Variants in THSD7B observed in about 807,000 individuals in gnomAD.
The protein encoded by THSD7B is thrombospondin type 1 domain containing 7B, also known as thrombospondin type-1 domain-containing protein 7B.
In THSD7B, 138 loss-of-function variants were observed where a neutral mutation model predicts 213.6. The observed-to-expected ratio is 0.65, with a 90% CI of 0.56 to 0.74. The LOEUF (loss-of-function observed/expected upper bound fraction) is 0.74. Among genes scored for constraint, THSD7B ranks in the 30% least tolerant of loss-of-function variants. The pLI is 0.00. For missense variants in THSD7B, 1,931 were observed against 1,991.5 expected (o/e 0.97, Z 0.58); for synonymous variants, 742 against 687.0 (o/e 1.08, Z -1.25).
intron 7 of THSD7B, 130 bp from the exon 8 acceptor site, chr2:137,230,914 T>C (rs1681624470): frequency 1.1e-6 from 1 of 878,744 alleles, no homozygotes; most frequent in African/African-American, 1.7e-5. Flanking sequence ...CAGTTTTTTC[T>C]GATGTAAATA....
chr2:137,616,342 C>T (rs545568442), intron 18 of THSD7B, 26 bp downstream of exon 18: 31 of 1,602,622 alleles, frequency 1.9e-5, no homozygotes, highest in Non-Finnish European at 2.6e-5. Context: ...ATGACCTTGT[C>T]GTTCTCCCTG....
At chr2:137,096,907 G>A (rs34275697) in intron 4 of THSD7B, among the ~76,000 whole-genome samples, 9,863 of 152,276 alleles carry the variant, frequency 0.065, 443 homozygotes, top group Non-Finnish European at 0.095. Flanking sequence ...CATAGGTGGC[G>A]CTGCAAGAAG....
At position 137,659,146 on chromosome 2, in the gene THSD7B, A is replaced by C. The variant is rs116383029; in HGVS notation, c.4376-518A>C. Among the ~76,000 whole-genome samples the C allele has an allele frequency of 2.8e-3, 432 of 152,306 alleles. 2 individuals carry two copies. The highest frequency in any genetic ancestry group is 9.8e-3 in the African/African-American group (409 of 41,572). The stretch of plus-strand genomic sequence containing the variant: ...TGTGTTTATACGTGACTCTGTGTGC[A>C]TGTATTCCAGTTGACTTACATTTAA... On this transcript the variant is annotated intron_variant, in intron 24 of 27. Coordinates refer to ENST00000409968, the MANE Select transcript of THSD7B (RefSeq NM_001316349.2).
intron 2 of THSD7B, among the ~76,000 whole-genome samples, chr2:137,025,964 C>T (rs910534747): frequency 1.2e-4 from 18 of 152,300 alleles, no homozygotes; most frequent in Admixed American, 4.6e-4. Context: ...ATACACTCAA[C>T]CCCTTCCCAG....
At chr2:137,290,192 G>A (rs1342805125) in intron 12 of THSD7B, among the ~76,000 whole-genome samples, 1 of 151,114 alleles carries the variant, frequency 6.6e-6, no homozygotes, top group Non-Finnish European at 1.5e-5. Context: ...GGGTTCAAGG[G>A]ATTCTCCTGC....
intron 15 of THSD7B, among the ~76,000 whole-genome samples, chr2:137,497,252 CT>C (rs1362187960): frequency 1.3e-5 from 2 of 151,842 alleles, no homozygotes; most frequent in Non-Finnish European, 2.9e-5. Flanking sequence ...CTTTAATCCT[CT>C]TTTTCTTGTT....
At chr2:137,611,161 A>G (rs1682282875) in intron 17 of THSD7B, among the ~76,000 whole-genome samples, 1 of 151,932 alleles carries the variant, frequency 6.6e-6, no homozygotes, top group African/African-American at 2.4e-5. Flanking sequence ...TTATCATTAC[A>G]TTAGTGGCCT....
At chr2:136,972,466 A>G (rs540328913) in intron 2 of THSD7B, among the ~76,000 whole-genome samples, 12 of 152,308 alleles carry the variant, frequency 7.9e-5, no homozygotes, top group African/African-American at 2.9e-4. Context: ...AACAATATGC[A>G]TGTATGCGTG....
At chr2:136,947,427 A>G (rs1342100637) in intron 2 of THSD7B, among the ~76,000 whole-genome samples, 2 of 152,248 alleles carry the variant, frequency 1.3e-5, no homozygotes, top group East Asian at 1.9e-4. Flanking sequence ...GATGTTATCT[A>G]TAATAATAAC....
At chr2:137,453,943 C>G (rs1282391010) in intron 15 of THSD7B, among the ~76,000 whole-genome samples, 1 of 152,062 alleles carries the variant, frequency 6.6e-6, no homozygotes, top group Non-Finnish European at 1.5e-5. Context: ...AGCAGAGTTT[C>G]TTTCTTTTTA....
intron 2 of THSD7B, among the ~76,000 whole-genome samples, chr2:137,019,862 A>C (rs1440821739): frequency 6.6e-6 from 1 of 152,192 alleles, no homozygotes; most frequent in Admixed American, 6.5e-5. Context: ...CAGGTTTTAG[A>C]GATAGAAATA....
chr2:137,429,488 A>T (rs1687128326), intron 14 of THSD7B, among the ~76,000 whole-genome samples: 1 of 152,194 alleles, frequency 6.6e-6, no homozygotes, highest in South Asian at 2.1e-4. Flanking sequence ...ACACATTTAT[A>T]AAATATTGGC....
intron 2 of THSD7B, among the ~76,000 whole-genome samples, chr2:137,014,621 C>T (rs1210686244): frequency 1.3e-5 from 2 of 152,162 alleles, no homozygotes; most frequent in Non-Finnish European, 2.9e-5. Context: ...TAGTCAGGAG[C>T]CCCAATTCAG....
At chr2:137,020,042 G>A (rs1277822397) in intron 2 of THSD7B, among the ~76,000 whole-genome samples, 1 of 152,142 alleles carries the variant, frequency 6.6e-6, no homozygotes, top group Non-Finnish European at 1.5e-5. Context: ...CACAGACCTC[G>A]AAACATATCC....
intron 2 of THSD7B, among the ~76,000 whole-genome samples, chr2:136,957,496 T>C (rs550762646): frequency 2.4e-4 from 37 of 152,140 alleles, no homozygotes; most frequent in African/African-American, 8.4e-4. Flanking sequence ...ATTTTCTTTC[T>C]GAAACTAGTA....
At chr2:137,516,493 A>T (rs1368728511) in intron 15 of THSD7B, among the ~76,000 whole-genome samples, 1 of 152,192 alleles carries the variant, frequency 6.6e-6, no homozygotes, top group African/African-American at 2.4e-5. Context: ...TGGGGAAAGG[A>T]AAATGATCAA....
chr2:137,223,630 T>C (rs978806166), intron 7 of THSD7B, among the ~76,000 whole-genome samples: 2 of 152,212 alleles, frequency 1.3e-5, no homozygotes, highest in African/African-American at 2.4e-5. Flanking sequence ...ATTTTAGTTA[T>C]AGTAATTTTC....
rs190052202 is a variant in THSD7B at position 136,956,834 on chromosome 2, C to T, written c.139+74517C>T. On this transcript the variant is annotated intron_variant, in intron 2 of 27. Coordinates refer to ENST00000409968, the MANE Select transcript of THSD7B (RefSeq NM_001316349.2). ...AGCTGGGATTATAGGCGCAAACCAC[C>T]GTGTCTAGCTAATTTTTATATTTTT... Among the ~76,000 whole-genome samples the T allele has an allele frequency of 7.9e-5, 12 of 152,000 alleles. No individual in the cohort carries two copies. The East Asian group carries it at 1.2e-3, about 15-fold the overall frequency.
At chr2:136,923,966 C>T (rs1684480508) in intron 2 of THSD7B, among the ~76,000 whole-genome samples, 1 of 152,148 alleles carries the variant, frequency 6.6e-6, no homozygotes, top group South Asian at 2.1e-4. Flanking sequence ...AATGTAATCT[C>T]ATTTGTCTTT....
Sources: allele counts gnomAD v4.1 joint callset (sites outside exome capture counted in the v4.1 genomes callset), GRCh38; gene constraint gnomAD v4.1.1; transcripts MANE v1.5; gene names NCBI Gene and HGNC (gene_info 2026-07-23, HGNC 2026-07-21).